The following SNX29 variants were observed in gnomAD, a reference collection of about 807,000 sequenced individuals.
SNX29 encodes the protein sorting nexin-29.
SNX29 carries 78 observed loss-of-function variants against 102.1 expected under a neutral mutation model. The ratio of observed to expected loss-of-function variants is 0.76; its 90% CI spans 0.64 to 0.92. The LOEUF is 0.92. Among genes scored for constraint, SNX29 ranks in the 40% least tolerant of loss-of-function variants. The pLI is 0.00. For missense variants in SNX29, 1,280 were observed against 1,061.7 expected, an observed-to-expected ratio of 1.21 and a Z score of -2.86; for synonymous variants, 580 against 414.5, an observed-to-expected ratio of 1.40 and a Z score of -4.85.
chr16:12,412,309 C>T lies in SNX29; in HGVS notation c.2037+8780C>T, dbSNP rs143059629. ...CCTCTGGGTCATGCACAAGATCTGC[C>T]TCATGCCTCTGTCTGCTCCACGTTG... On this transcript the variant is annotated intron_variant, in intron 18 of 20. Transcript: ENST00000566228. Among the ~76,000 whole-genome samples the T allele has an allele frequency of 1.5e-4, 23 of 152,322 alleles. No homozygotes were observed. In the South Asian group the frequency reaches 4.4e-3, roughly 29 times the overall value.
rs114366185 is a variant in SNX29, at chr16:12,435,505, C to T, written c.2037+31976C>T. On this transcript the variant is annotated intron_variant, in intron 18 of 20. Coordinates refer to ENST00000566228, the MANE Select transcript of SNX29 (RefSeq NM_032167.5). ...CCTGCCCTGCTTGAGGGGTCCTGGGCATGGCTTTGGCTACTTCCATTTTTA... is the reference window on the plus strand; with the variant it reads ...CCTGCCCTGCTTGAGGGGTCCTGGGTATGGCTTTGGCTACTTCCATTTTTA... Among the ~76,000 whole-genome samples, 568 of 152,290 alleles carry T rather than the reference C, an allele frequency of 3.7e-3. 6 individuals carry two copies. The highest frequency in any genetic ancestry group is 0.013 in the African/African-American group (535 of 41,564).
intron 18 of SNX29, among the ~76,000 whole-genome samples, chr16:12,432,369 G>C (rs1489094030): frequency 2.6e-5 from 4 of 152,234 alleles, no homozygotes; most frequent in East Asian, 3.9e-4. Context: ...GGCTGTCACT[G>C]TAAATATTCA....
At chr16:12,428,237 A>G (rs996999539) in intron 18 of SNX29, among the ~76,000 whole-genome samples, 1 of 152,210 alleles carries the variant, frequency 6.6e-6, no homozygotes, top group Non-Finnish European at 1.5e-5. Context: ...TTGGACTGCA[A>G]ATAAGTTTAG....
intron 13 of SNX29, among the ~76,000 whole-genome samples, chr16:12,151,108 A>G (rs926751840): frequency 2.0e-5 from 3 of 152,232 alleles, no homozygotes; most frequent in African/African-American, 4.8e-5. Flanking sequence ...GGAATAGTGT[A>G]ACAGCCCCTG....
At chr16:12,166,049 T>A (rs187237571) in intron 13 of SNX29, among the ~76,000 whole-genome samples, 73 of 152,366 alleles carry the variant, frequency 4.8e-4, no homozygotes, top group African/African-American at 1.7e-3. Context: ...AAGCATTTAA[T>A]CCATGTCATC....
rs564875855 is a variant in SNX29 at position 12,545,151 on chromosome 16, C to T, written c.2318+20310C>T. Among the ~76,000 whole-genome samples the T allele has an allele frequency of 2.0e-5, 3 of 152,256 alleles. No individual in the cohort carries two copies. In the South Asian group the frequency reaches 6.2e-4, roughly 32 times the overall value. The stretch of plus-strand genomic sequence containing the variant: ...ACTTACCTAGCACAGCTATGAAGTA[C>T]AGACACTCTGCCAGCCGTCAGAGAA... On this transcript the variant is annotated intron_variant, in intron 20 of 20. Transcript: ENST00000566228.
At chr16:11,984,570 A>G (rs1337360525) in intron 1 of SNX29, among the ~76,000 whole-genome samples, 1 of 152,090 alleles carries the variant, frequency 6.6e-6, no homozygotes, top group Non-Finnish European at 1.5e-5. Flanking sequence ...ACAACTTTTA[A>G]CTATTGATTC....
chr16:12,184,410 T>C lies in SNX29; in HGVS notation c.1596-15191T>C, dbSNP rs117729489. Among the ~76,000 whole-genome samples the C allele has an allele frequency of 3.2e-3, 483 of 152,298 alleles. 2 individuals are homozygous for C. The highest frequency in any genetic ancestry group is 3.7e-3 in the Non-Finnish European group (254 of 68,026). On this transcript the variant is annotated intron_variant, in intron 13 of 20. Coordinates refer to ENST00000566228, the MANE Select transcript of SNX29 (RefSeq NM_032167.5). ...TAGAAACTAGGCAGGCCCAGAGTTG[T>C]TGGTTTTCAGGAGGTCATGGCTGAG...
intron 11 of SNX29, among the ~76,000 whole-genome samples, chr16:12,103,630 G>A (rs2053110144): frequency 6.6e-6 from 1 of 152,140 alleles, no homozygotes; most frequent in South Asian, 2.1e-4. Flanking sequence ...ACATAGGCAT[G>A]GGCAAAGACT....
At chr16:12,370,681 C>T (rs1237858874) in intron 16 of SNX29, among the ~76,000 whole-genome samples, 1 of 152,200 alleles carries the variant, frequency 6.6e-6, no homozygotes, top group Non-Finnish European at 1.5e-5. Flanking sequence ...TGGGAGGCTT[C>T]CCCATCTCCC....
intron 19 of SNX29, among the ~76,000 whole-genome samples, chr16:12,483,118 T>TTG (rs1555549927): frequency 1.2e-4 from 12 of 101,374 alleles, no homozygotes; most frequent in South Asian, 6.9e-4. Flanking sequence ...TATTAAGTTT[T>TTG]TTTTTTTTTT....
intron 15 of SNX29, among the ~76,000 whole-genome samples, chr16:12,330,788 C>A (rs1436734730): frequency 6.6e-6 from 1 of 152,218 alleles, no homozygotes; most frequent in Non-Finnish European, 1.5e-5. Context: ...TCTATTTGGT[C>A]ACTCAGCAGC....
chr16:12,059,727 C>T (rs1047431216), intron 8 of SNX29, among the ~76,000 whole-genome samples: 14 of 152,168 alleles, frequency 9.2e-5, no homozygotes, highest in African/African-American at 3.4e-4. Context: ...AAGACTGTGT[C>T]ATGAAGCCTG....
chr16:12,271,370 T>C (rs1453461253), intron 14 of SNX29, among the ~76,000 whole-genome samples: 3 of 152,154 alleles, frequency 2.0e-5, no homozygotes, highest in Admixed American at 6.5e-5. Flanking sequence ...GTTCTCTCCG[T>C]AGGAAGCTCG....
At chr16:12,472,529 C>CAAAAAAAAAAAACAA (rs2087398119) in intron 18 of SNX29, among the ~76,000 whole-genome samples, 1 of 72,942 alleles carries the variant, frequency 1.4e-5, no homozygotes, top group African/African-American at 4.2e-5. Context: ...AAAAAAAAAC[C>CAAAAAAAAAAAACAA]AAAAAAAAAA....
intron 16 of SNX29, among the ~76,000 whole-genome samples, chr16:12,389,141 G>C (rs1006457712): frequency 6.6e-6 from 1 of 152,174 alleles, no homozygotes; most frequent in Non-Finnish European, 1.5e-5. Context: ...ACTAGCGCGA[G>C]CCAGTTCAGA....
chr16:12,255,969 G>A (rs1203665247), intron 14 of SNX29, among the ~76,000 whole-genome samples: 1 of 152,116 alleles, frequency 6.6e-6, no homozygotes, highest in Non-Finnish European at 1.5e-5. Context: ...TTTCCATAAC[G>A]GCTGTACTAA....
chr16:12,135,970 C>G (rs1215317759), intron 13 of SNX29, among the ~76,000 whole-genome samples: 1 of 152,220 alleles, frequency 6.6e-6, no homozygotes, highest in East Asian at 1.9e-4. Context: ...CTCAGAGCAC[C>G]GCTCCAGACT....
At chr16:12,559,007 G>GA (rs1567198841) in intron 20 of SNX29, among the ~76,000 whole-genome samples, 3 of 152,190 alleles carry the variant, frequency 2.0e-5, no homozygotes, top group East Asian at 1.9e-4. Flanking sequence ...AGTTATGGGG[G>GA]AGAGAGACAA....
Sources: allele counts gnomAD v4.1 joint callset (sites outside exome capture counted in the v4.1 genomes callset), GRCh38; gene constraint gnomAD v4.1.1; transcripts MANE v1.5; gene names NCBI Gene and HGNC (gene_info 2026-07-23, HGNC 2026-07-21).